Variants in DPYD observed in about 807,000 individuals in gnomAD.
DPYD encodes the protein dihydropyrimidine dehydrogenase.
In DPYD, 109 loss-of-function variants were observed where a neutral mutation model predicts 116.2. The ratio of observed to expected loss-of-function variants is 0.94; its 90% CI spans 0.80 to 1.10. The LOEUF (loss-of-function observed/expected upper bound fraction) is 1.10. Among genes scored for constraint, DPYD ranks in the 50% least tolerant of loss-of-function variants. The probability of loss-of-function intolerance (pLI) is 0.00; values close to 1 mark genes in which losing one functional copy is unlikely to be tolerated. For synonymous variants in DPYD, 440 were observed against 432.0 expected (o/e 1.02, Z -0.23); for missense variants, 1,302 against 1,254.5 (o/e 1.04, Z -0.57).
chr1:97,137,308 T>G (rs1465140767), intron 20 of DPYD, among the ~76,000 whole-genome samples: 1 of 152,214 alleles, frequency 6.6e-6, no homozygotes, highest in East Asian at 1.9e-4. Flanking sequence ...AGACTGAAAA[T>G]ATTACTATTG....
At chr1:97,325,834 T>C (rs1421019036) in intron 16 of DPYD, among the ~76,000 whole-genome samples, 2 of 151,794 alleles carry the variant, frequency 1.3e-5, no homozygotes, top group East Asian at 1.9e-4. Flanking sequence ...CATGGTATCA[T>C]ATGAAATGGG....
rs570164196 is a variant in DPYD at position 97,077,787 on chromosome 1, C to G, written c.*1189G>C. 1 of 152,106 alleles carries G rather than the reference C, an allele frequency of 6.6e-6. No individual in the cohort carries two copies. Among genetic ancestry groups the G allele is most frequent in the Non-Finnish European group, 1.5e-5 (1 of 68,006 alleles). 9.4% of individuals were successfully genotyped at this position (152,106 alleles called of 1,614,324 possible). A position where few individuals can be genotyped will look rare whatever the true frequency, so the allele number is the denominator to read the frequency against. On this transcript the variant is annotated 3_prime_UTR_variant, in exon 23 of 23. Transcript: ENST00000370192. ...TTTTATTTGATATTATTCAGTAATA[C>G]AGGTTTTGTGGCAAATATGCATTTC... is the stretch of plus-strand genomic sequence containing the variant.
chr1:97,202,284 T>C (rs1431694659), intron 19 of DPYD, among the ~76,000 whole-genome samples: 2 of 152,166 alleles, frequency 1.3e-5, no homozygotes, highest in Non-Finnish European at 2.9e-5. Context: ...ATTTTGTAAA[T>C]CATATATTTC....
In DPYD at chr1:97,163,973, A is replaced by G. The variant is rs1570582856; in HGVS notation, c.2622+29096T>C. Among the ~76,000 whole-genome samples the G allele has an allele frequency of 5.9e-5, 9 of 152,320 alleles. No homozygotes were observed. In the South Asian group the frequency reaches 1.9e-3, roughly 32 times the overall value. ...AAGTTGAAAAGTTGTGTAGTAAAAAATAAAGAAAACTTCAGGCCAATATCC... is the reference window on the plus strand; with the variant it reads ...AAGTTGAAAAGTTGTGTAGTAAAAAGTAAAGAAAACTTCAGGCCAATATCC... On this transcript the variant is annotated intron_variant, in intron 20 of 22. Transcript: ENST00000370192.
At chr1:97,698,278 T>C (rs1378694545) in intron 6 of DPYD, among the ~76,000 whole-genome samples, 1 of 151,886 alleles carries the variant, frequency 6.6e-6, no homozygotes, top group East Asian at 1.9e-4. Context: ...ATTATATTAA[T>C]GATAGCTTAT....
chr1:97,514,112 C>G, intron 13 of DPYD: 1 of 764,766 alleles, frequency 1.3e-6, no homozygotes, highest in Non-Finnish European at 1.6e-6. Context: ...TTTGAACCAG[C>G]ATCACACACT....
chr1:97,765,901 G>C (rs1191933181), intron 3 of DPYD, among the ~76,000 whole-genome samples: 3 of 152,150 alleles, frequency 2.0e-5, no homozygotes, highest in African/African-American at 7.2e-5. Flanking sequence ...ATAATGAAAT[G>C]ATCATGTGTG....
chr1:97,552,458 A>C (rs1305886524), intron 11 of DPYD, among the ~76,000 whole-genome samples: 1 of 152,104 alleles, frequency 6.6e-6, no homozygotes, highest in South Asian at 2.1e-4. Context: ...TGTTTCTTAA[A>C]ATATTTAGCA....
chr1:97,811,877 A>G (rs747517183), intron 3 of DPYD, among the ~76,000 whole-genome samples: 4 of 69,766 alleles, frequency 5.7e-5, no homozygotes, highest in Non-Finnish European at 1.1e-4. Flanking sequence ...GTCATTAAAT[A>G]AATTAATTTA....
intron 2 of DPYD, among the ~76,000 whole-genome samples, chr1:97,859,503 C>CT (rs1296871206): frequency 6.6e-6 from 1 of 152,126 alleles, no homozygotes. Flanking sequence ...AGTGAAAATG[C>CT]TATATAAACT....
At chr1:97,277,665 C>A (rs1570409364) in intron 18 of DPYD, among the ~76,000 whole-genome samples, 1 of 152,162 alleles carries the variant, frequency 6.6e-6, no homozygotes, top group Admixed American at 6.6e-5. Context: ...CCTCCAATTC[C>A]TCCATTGCTA....
intron 19 of DPYD, among the ~76,000 whole-genome samples, chr1:97,222,447 T>C (rs948065759): frequency 2.0e-5 from 3 of 152,144 alleles, no homozygotes; most frequent in Non-Finnish European, 4.4e-5. Context: ...CTCTTGAATC[T>C]AGATGTTAAT....
At chr1:97,093,485 T>A (rs561349138) in intron 21 of DPYD, among the ~76,000 whole-genome samples, 5 of 152,340 alleles carry the variant, frequency 3.3e-5, no homozygotes, top group Admixed American at 1.3e-4. Flanking sequence ...TAGCTAATAG[T>A]AACATTTATT....
chr1:97,323,230 A>G (rs1015857202), intron 16 of DPYD, among the ~76,000 whole-genome samples: 1 of 148,986 alleles, frequency 6.7e-6, no homozygotes, highest in Non-Finnish European at 1.5e-5. Flanking sequence ...ATACATATGT[A>G]TATATGTATA....
chr1:97,661,560 C>T (rs1659257146), intron 8 of DPYD, among the ~76,000 whole-genome samples: 1 of 151,974 alleles, frequency 6.6e-6, no homozygotes, highest in Non-Finnish European at 1.5e-5. Context: ...AAGACATATA[C>T]TACGCTTTGA....
At chr1:97,391,965 A>G (rs1285093229) in intron 14 of DPYD, among the ~76,000 whole-genome samples, 1 of 150,820 alleles carries the variant, frequency 6.6e-6, no homozygotes, top group African/African-American at 2.4e-5. Flanking sequence ...AAACATGAAA[A>G]TTGATACAAA....
chr1:97,709,768 T>TTTACCAATTCAA (rs1227537785), intron 5 of DPYD, among the ~76,000 whole-genome samples: 1 of 151,912 alleles, frequency 6.6e-6, no homozygotes, highest in Non-Finnish European at 1.5e-5. Flanking sequence ...AATAAAAGTA[T>TTTACCAATTCAA]ATTTACCAAT....
intron 3 of DPYD, among the ~76,000 whole-genome samples, chr1:97,776,830 T>C (rs1455449478): frequency 6.6e-6 from 1 of 152,216 alleles, no homozygotes; most frequent in African/African-American, 2.4e-5. Flanking sequence ...AGTTTTCTTA[T>C]GGAAATTCTT....
At chr1:97,740,649 G>A (rs1336075795) in intron 3 of DPYD, among the ~76,000 whole-genome samples, 170 bp from the exon 4 acceptor site, 1 of 151,848 alleles carries the variant, frequency 6.6e-6, no homozygotes, top group Non-Finnish European at 1.5e-5. Context: ...TTTCATCTTT[G>A]GCACTCCTCT....
Sources: allele counts gnomAD v4.1 joint callset (sites outside exome capture counted in the v4.1 genomes callset), GRCh38; gene constraint gnomAD v4.1.1; transcripts MANE v1.5; gene names NCBI Gene and HGNC (gene_info 2026-07-23, HGNC 2026-07-21).